The following CEACAM20 variants were observed in gnomAD, a reference collection of about 807,000 sequenced individuals.
The protein encoded by CEACAM20 is CEA cell adhesion molecule 20.
Under a neutral mutation model 61.2 loss-of-function variants are expected in CEACAM20, and 50 were observed. The observed-to-expected ratio is 0.82, with a 90% confidence interval of 0.65 to 1.03. The LOEUF is 1.03. Among genes scored for constraint, CEACAM20 ranks in the 50% least tolerant of loss-of-function variants. CEACAM20 has a pLI of 0.00. For missense variants in CEACAM20, 683 were observed against 736.4 expected (o/e 0.93, Z 0.84); for synonymous variants, 282 against 287.7 (o/e 0.98, Z 0.20).
intron 11 of CEACAM20, among the ~76,000 whole-genome samples, chr19:44,507,445 T>G (rs1286801930): frequency 6.6e-6 from 1 of 152,198 alleles, no homozygotes; most frequent in African/African-American, 2.4e-5. Context: ...GCAGAAGATG[T>G]TGTTATATAT....
At chr19:44,527,965 GCC>G (rs1313089495) in intron 1 of CEACAM20, among the ~76,000 whole-genome samples, 4 of 152,110 alleles carry the variant, frequency 2.6e-5, no homozygotes, top group Non-Finnish European at 5.9e-5. Context: ...GGCTGGCACA[GCC>G]TCCCTCCACC....
At chr19:44,519,154 A>G (rs1971278630) in intron 5 of CEACAM20, among the ~76,000 whole-genome samples, 1 of 152,054 alleles carries the variant, frequency 6.6e-6, no homozygotes. Flanking sequence ...GGACATCCCC[A>G]TTCATGATGA....
At chr19:44,515,943 A>G (rs1971141943) in intron 6 of CEACAM20, among the ~76,000 whole-genome samples, 1 of 152,202 alleles carries the variant, frequency 6.6e-6, no homozygotes, top group Admixed American at 6.5e-5. Flanking sequence ...CACACAAAAA[A>G]AGGAATAATT....
chr19:44,522,702 T>C lies in CEACAM20; in HGVS notation c.683A>G (p.Tyr228Cys). Residue 228 changes from tyrosine (Y) to cysteine (C), a missense_variant, in exon 4 of 12, where the codon TAC (tyrosine) becomes TGC (cysteine). By Grantham distance (194) the Tyr-to-Cys change is radical (BLOSUM62 -2). Coordinates refer to ENST00000614924, the MANE Select transcript of CEACAM20 (RefSeq NM_001102597.3). The part of the protein sequence containing the change: ...HAVSREHEGL[Y>C]RCLVSNSATH... Reference sequence around the variant, plus strand: ...GGCACTGTTGGACACCAAGCACCTGTACAGGCCCTCATGTTCTCTGGACAC... The same window carrying C: ...GGCACTGTTGGACACCAAGCACCTGCACAGGCCCTCATGTTCTCTGGACAC... 6.2e-7 allele frequency: 1 copy of C among 1,613,822 alleles called. No homozygotes were observed. Among genetic ancestry groups the C allele is most frequent in the Non-Finnish European group, 8.5e-7 (1 of 1,179,814 alleles).
rs1303883192 is a variant in CEACAM20 at position 44,511,968 on chromosome 19, G to A, written c.1575+49C>T. On this transcript the variant is annotated intron_variant, in intron 9 of 11. Transcript: ENST00000614924. The stretch of plus-strand genomic sequence containing the variant: ...CCCCACCCTAAGAAGTAAGACTATA[G>A]CAGCCTGGTCAGGGGATCAAGGAGG... 3.9e-6 allele frequency: 6 copies of A among 1,533,106 alleles called. 1 individual carries two copies. In the African/African-American group the frequency reaches 8.2e-5, roughly 21 times the overall value. 95.0% of individuals were successfully genotyped at this position (1,533,106 alleles called of 1,614,324 possible). A position where few individuals can be genotyped will look rare whatever the true frequency, so the allele number is the denominator to read the frequency against.
rs1222710502 is a variant in CEACAM20 at position 44,520,682 on chromosome 19, C to T, written c.822G>A (p.Leu274=). ...CACTCTGATTGACGGTTTGGCAGGTCAGGTCCACAGACCTAGCATTCTCCA... is the reference window on the plus strand; with the variant it reads ...CACTCTGATTGACGGTTTGGCAGGTTAGGTCCACAGACCTAGCATTCTCCA... ...NLVENARSVD[L]TCQTVNQSVN... Residue 274 remains leucine (L), a synonymous_variant, in exon 5 of 12, where the codon CTG becomes CTA. Coordinates refer to ENST00000614924, the MANE Select transcript of CEACAM20 (RefSeq NM_001102597.3). The T allele has an allele frequency of 2.5e-6, 4 of 1,613,988 alleles. No individual in the cohort carries two copies. The highest frequency in any genetic ancestry group is 3.4e-6 in the Non-Finnish European group (4 of 1,179,866).
chr19:44,511,997 C>T lies in CEACAM20; in HGVS notation c.1575+20G>A. ...CCTGGTCAGGGGATCAAGGAGGGTT[C>T]CCTCTGCAGCATCACTCACCAGTTC... On this transcript the variant is annotated intron_variant, in intron 9 of 11. Transcript: ENST00000614924. 1 of 1,601,234 alleles carries T rather than the reference C, an allele frequency of 6.2e-7. No homozygotes were observed. Among genetic ancestry groups the T allele is most frequent in the Non-Finnish European group, 8.5e-7 (1 of 1,173,502 alleles).
At position 44,511,084 on chromosome 19, in the gene CEACAM20, C is replaced by T. The variant is rs1440959006; in HGVS notation, c.1683G>A (p.Met561Ile). The T allele has an allele frequency of 6.2e-7, 1 of 1,613,930 alleles. No individual in the cohort carries two copies. The stretch of plus-strand genomic sequence containing the variant: ...CAGTGGAGACCAATCTGAGTGGGGG[C>T]ATCAGAGGTTTGGGTGGTGGCTTCC... ...SPWKPPPKPL[M>I]PPLRLVSTVP... The change falls in exon 11 of 12, where the codon ATG (methionine) becomes ATA (isoleucine). Residue 561 changes from methionine to isoleucine, a missense_variant. Transcript: ENST00000614924.
rs1971188627 is a variant in CEACAM20 at position 44,517,187 on chromosome 19, T to C, written c.1068A>G (p.Ala356=). Residue 356 remains alanine, a synonymous_variant, in exon 6 of 12, where the codon GCA becomes GCG. Coordinates refer to ENST00000614924, the MANE Select transcript of CEACAM20 (RefSeq NM_001102597.3). ...CCTCTATGGTGCTGATCATCTCAGA[T>C]GCCGACTCCCTGGTGATGTGCACTT... The part of the protein sequence containing the change: ...PDQVHITRES[A]SEMISTIEAE... The C allele has an allele frequency of 2.5e-6, 4 of 1,610,962 alleles. No homozygotes were observed. The highest frequency in any genetic ancestry group is 3.4e-6 in the Non-Finnish European group (4 of 1,179,874).
At position 44,520,365 on chromosome 19, in the gene CEACAM20, GAC is replaced by G. The variant is rs1599679422; in HGVS notation, c.1030+107_1030+108del. ...CTGTCCAGTGCCCAGATTCATGCCTGACACAGAGCAGGAGCTCAATAATCATA... is the reference window on the plus strand; with the variant it reads ...CTGTCCAGTGCCCAGATTCATGCCTGACAGAGCAGGAGCTCAATAATCATA... On this transcript the variant is annotated intron_variant, in intron 5 of 11. Transcript: ENST00000614924. 2.1e-6 allele frequency: 3 copies of G among 1,414,622 alleles called. No homozygotes were observed. The East Asian group carries it at 6.9e-5, about 33-fold the overall frequency. 87.6% of individuals were successfully genotyped at this position (1,414,622 alleles called of 1,614,324 possible).
intron 1 of CEACAM20, among the ~76,000 whole-genome samples, chr19:44,528,231 C>T (rs989110235): frequency 2.9e-5 from 4 of 136,554 alleles, no homozygotes; most frequent in Non-Finnish European, 6.4e-5. Flanking sequence ...CTCTTTCTTT[C>T]TTCTTTTTCT....
intron 1 of CEACAM20, among the ~76,000 whole-genome samples, chr19:44,528,158 T>TTTCTTTCTTTCCTTTCTTTCTTTCC (rs1426951753): frequency 5.6e-5 from 7 of 124,830 alleles, no homozygotes; most frequent in African/African-American, 2.0e-4. Context: ...TCTTTCTTTC[T>TTTCTTTCTTTCCTTTCTTTCTTTCC]TTTCTTTCTT....
rs71940010 is a variant in CEACAM20 at position 44,529,354 on chromosome 19, GCACACACACACACA to G, written c.52+90_52+103del. The G allele has an allele frequency of 2.8e-3, 1,866 of 659,916 alleles. 15 individuals are homozygous for G. Among genetic ancestry groups the G allele is most frequent in the African/African-American group, 0.021 (1,049 of 49,330 alleles). 40.9% of individuals were successfully genotyped at this position (659,916 alleles called of 1,614,324 possible). ...TGCCTCCATCTCTTTTTCCTCGAGT[GCACACACACACACA>G]CACACACACACACACACACACACAC... On this transcript the variant is annotated intron_variant, in intron 1 of 11. Transcript: ENST00000614924.
intron 5 of CEACAM20, among the ~76,000 whole-genome samples, chr19:44,519,421 T>C (rs1971286910): frequency 6.6e-6 from 1 of 152,050 alleles, no homozygotes; most frequent in African/African-American, 2.4e-5. Flanking sequence ...AACAGAGAAG[T>C]GTAAAGAGGA....
chr19:44,507,557 CTG>C (rs569340817), intron 11 of CEACAM20, among the ~76,000 whole-genome samples: 10 of 152,312 alleles, frequency 6.6e-5, no homozygotes, highest in African/African-American at 2.4e-4. Context: ...AAATGAGAAA[CTG>C]TATAATAAGA....
rs1465723 is a variant in CEACAM20, at chr19:44,513,190, C to T, written c.1409G>A (p.Cys470Tyr). The stretch of plus-strand genomic sequence containing the variant: ...GTGTTACCGTCTGGCATTTCTGATG[C>T]AGAGAAAATAGCCCAGTTCTGAGGC... ...AVASELGYFL[C>Y]IRNARRPSRK... Residue 470 changes from cysteine (C) to tyrosine (Y), a missense_variant, in exon 7 of 12, where the codon TGC (cysteine) becomes TAC (tyrosine). Physicochemically the swap from Cys to Tyr is radical, Grantham distance 194 (BLOSUM62 -2). Transcript: ENST00000614924. 0.79 allele frequency: 1,275,042 copies of T among 1,612,148 alleles called. 506,698 individuals carry two copies. Among genetic ancestry groups the T allele is most frequent in the African/African-American group, 0.91 (68,340 of 74,868 alleles).
At chr19:44,528,071 T>C (rs748287431) in intron 1 of CEACAM20, among the ~76,000 whole-genome samples, 7 of 152,064 alleles carry the variant, frequency 4.6e-5, no homozygotes, top group East Asian at 1.9e-4. Flanking sequence ...CCCAGTTCTT[T>C]CCCTGTCTCT....
intron 2 of CEACAM20, among the ~76,000 whole-genome samples, chr19:44,524,713 G>A (rs1307059848): frequency 6.6e-6 from 1 of 152,042 alleles, no homozygotes; most frequent in African/African-American, 2.4e-5. Flanking sequence ...CCAAATAGCT[G>A]GGACTACAGG....
rs796578728 is a variant in CEACAM20, at chr19:44,528,951, TCTTTC to T, written c.52+502_52+506del. ...ATGTTTATTTCTGTATTTCTCTCTT[TCTTTC>T]TTTTTTTTTTTTTTTTTTTTGAGAC... is the stretch of plus-strand genomic sequence containing the variant. On this transcript the variant is annotated intron_variant, in intron 1 of 11. Coordinates refer to ENST00000614924, the MANE Select transcript of CEACAM20 (RefSeq NM_001102597.3). Among the ~76,000 whole-genome samples the T allele has an allele frequency of 3.3e-5, 4 of 122,954 alleles. 1 individual carries two copies. Among genetic ancestry groups the T allele is most frequent in the African/African-American group, 1.1e-4 (3 of 28,444 alleles). 80.7% of individuals were successfully genotyped at this position (122,954 alleles called of 152,430 possible). A position where few individuals can be genotyped will look rare whatever the true frequency, so the allele number is the denominator to read the frequency against.
Sources: gnomAD v4.1 joint callset for allele counts (sites outside exome capture counted in the v4.1 genomes callset) on GRCh38, gnomAD v4.1.1 for gene constraint, MANE v1.5 for transcripts, NCBI Gene and HGNC (gene_info 2026-07-23, HGNC 2026-07-21) for gene names.